TIAM2: variants seen among roughly 807,000 people sequenced by gnomAD.
TIAM2 encodes the protein rho guanine nucleotide exchange factor TIAM2.
Under a neutral mutation model 152.9 loss-of-function variants are expected in TIAM2, and 80 were observed. The ratio of observed to expected loss-of-function variants is 0.52; its 90% CI spans 0.44 to 0.63. TIAM2 has a LOEUF of 0.63. Among genes scored for constraint, TIAM2 ranks in the 30% least tolerant of loss-of-function variants. TIAM2 has a pLI of 0.00. For synonymous variants in TIAM2, 804 were observed against 838.0 expected (o/e 0.96, Z 0.70); for missense variants, 1,965 against 2,120.1 (o/e 0.93, Z 1.44).
intron 1 of TIAM2, among the ~76,000 whole-genome samples, chr6:155,065,187 C>T (rs578227749): frequency 2.6e-5 from 4 of 152,180 alleles, no homozygotes; most frequent in East Asian, 3.9e-4. Context: ...CTGCTAACCT[C>T]GGGTGATCTG....
intron 7 of TIAM2, among the ~76,000 whole-genome samples, chr6:155,157,799 C>G (rs1464895737): frequency 6.6e-6 from 1 of 152,178 alleles, no homozygotes; most frequent in African/African-American, 2.4e-5. Context: ...TGCTTGCTAA[C>G]TAAACCAGGT....
chr6:155,127,694 T>C (rs1169225497), intron 3 of TIAM2, 94 bp downstream of exon 3: 1 of 430,224 alleles, frequency 2.3e-6, no homozygotes, highest in Non-Finnish European at 4.6e-6. Context: ...CTAGCGATTT[T>C]GGTTTTAAAA....
At chr6:155,020,289 T>C (rs1776449395) in intron 1 of TIAM2, among the ~76,000 whole-genome samples, 2 of 152,218 alleles carry the variant, frequency 1.3e-5, no homozygotes, top group South Asian at 2.1e-4. Context: ...TAAATATCTG[T>C]TGACTTGAAG....
Position 155,257,117 on chromosome 6 carries a change from C to CAT in TIAM2, c.5104_5105dup (p.Ter1702TyrfsTer17). ...TATGAAACAGAGAGCCACGGAAAAT[C>CAT]ATAGTATGATTCAATCCAGATATGG... On this transcript the variant is annotated frameshift_variant, in exon 27 of 27. Coordinates refer to ENST00000682666, the MANE Select transcript of TIAM2 (RefSeq NM_012454.4). LOFTEE classifies it high-confidence loss of function. The CAT allele has an allele frequency of 1.3e-6, 2 of 1,498,576 alleles. No individual in the cohort carries two copies. Among genetic ancestry groups the CAT allele is most frequent in the South Asian group, 2.2e-5 (2 of 89,612 alleles). The allele number at this position is 1,498,576 out of a possible 1,614,324, so 92.8% of individuals were successfully genotyped here. A position where few individuals can be genotyped will look rare whatever the true frequency, so the allele number is the denominator to read the frequency against.
chr6:155,245,845 G>A (rs1783296407), intron 19 of TIAM2, 114 bp downstream of exon 19: 2 of 680,770 alleles, frequency 2.9e-6, no homozygotes, highest in Non-Finnish European at 4.7e-6. Context: ...ATGTATTAAG[G>A]TCCATCCTTG....
rs1329769095 is a variant in TIAM2 at position 154,995,693 on chromosome 6, G to T, written c.-209+201G>T. 6.6e-6 allele frequency among the ~76,000 whole-genome samples: 1 copy of T among 152,156 alleles called. No individual in the cohort carries two copies. The highest frequency in any genetic ancestry group is 6.5e-5 in the Admixed American group (1 of 15,284). On this transcript the variant is annotated intron_variant, in intron 1 of 26. Coordinates refer to ENST00000682666, the MANE Select transcript of TIAM2 (RefSeq NM_012454.4). This position sits in a 1 kb window ranked among gnomAD's most constrained non-coding sequence, Gnocchi z 5.2. ...GGGCGCGGCCTGGCACCCTCTCCCCGGAGGGCGGCAGCGTCCGGGCACAGC... is the reference window on the plus strand; with the variant it reads ...GGGCGCGGCCTGGCACCCTCTCCCCTGAGGGCGGCAGCGTCCGGGCACAGC...
At chr6:155,140,098 T>A (rs976598465) in intron 5 of TIAM2, among the ~76,000 whole-genome samples, 1 of 152,224 alleles carries the variant, frequency 6.6e-6, no homozygotes, top group Admixed American at 6.5e-5. Context: ...ATTAGAGATG[T>A]CATGTGATCA....
chr6:155,223,130 A>G (rs1782114197), intron 15 of TIAM2, among the ~76,000 whole-genome samples: 1 of 152,220 alleles, frequency 6.6e-6, no homozygotes, highest in Admixed American at 6.5e-5. Flanking sequence ...TAGAAATTGC[A>G]GACAATTCCA....
intron 1 of TIAM2, among the ~76,000 whole-genome samples, chr6:155,017,648 C>T (rs968855237): frequency 4.6e-5 from 7 of 151,812 alleles, no homozygotes; most frequent in African/African-American, 1.7e-4. Flanking sequence ...GGACTACAGG[C>T]ACCTGCCACC....
intron 1 of TIAM2, among the ~76,000 whole-genome samples, chr6:155,020,847 A>G (rs1209779551): frequency 6.6e-6 from 1 of 152,166 alleles, no homozygotes; most frequent in Non-Finnish European, 1.5e-5. Flanking sequence ...AACTTGTTTC[A>G]TCTTGCAGAA....
rs770342401 is a variant in TIAM2 at position 155,148,151 on chromosome 6, A to G, written c.1845A>G (p.Val615=). The G allele has an allele frequency of 6.2e-7, 1 of 1,613,850 alleles. No individual in the cohort carries two copies. Among genetic ancestry groups the G allele is most frequent in the Admixed American group, 1.7e-5 (1 of 60,008 alleles). ...ATCTAGAAAACTGGGTCACTGCTGT[A>G]CACTCTGCTTGTGCATCCCTTTTTG... is the stretch of plus-strand genomic sequence containing the variant. The part of the protein sequence containing the change: ...QTDLENWVTA[V]HSACASLFAK... Residue 615 remains valine (V), a synonymous_variant, in exon 7 of 27, where the codon GTA becomes GTG. Transcript: ENST00000682666.
chr6:155,123,515 C>T (rs1202939985), intron 2 of TIAM2, among the ~76,000 whole-genome samples: 1 of 152,106 alleles, frequency 6.6e-6, no homozygotes, highest in Non-Finnish European at 1.5e-5. Context: ...ATGGGGGTCT[C>T]CTGTGTTTTT....
chr6:155,139,940 AAAACAAAC>A (rs148740038), intron 5 of TIAM2, among the ~76,000 whole-genome samples: 7,451 of 152,188 alleles, frequency 0.049, 574 homozygotes, highest in African/African-American at 0.16. Flanking sequence ...CTCCATCTCA[AAAACAAAC>A]AAACAAACAA....
chr6:155,118,418 TTTTTC>T (rs1264514073), intron 2 of TIAM2, among the ~76,000 whole-genome samples: 12 of 53,946 alleles, frequency 2.2e-4, no homozygotes, highest in Non-Finnish European at 4.4e-4. Flanking sequence ...TTCTTTTTTC[TTTTTC>T]TTTTTCTTTT....
At chr6:155,143,951 T>A (rs1473406984) in intron 5 of TIAM2, among the ~76,000 whole-genome samples, 1 of 152,128 alleles carries the variant, frequency 6.6e-6, no homozygotes, top group African/African-American at 2.4e-5. Context: ...GAGCTACAGA[T>A]AAAAGGTTAA....
At position 155,164,591 on chromosome 6, in the gene TIAM2, C is replaced by T. The variant is rs752561490; in HGVS notation, c.2205C>T (p.Phe735=). The stretch of plus-strand genomic sequence containing the variant: ...TGGGCATCTTGTCTGTTTCCTCTTT[C>T]CATGCTCTGGTAAGTTCCTGAGGAA... ...GRLGILSVSS[F]HALVCSRDDS... The change falls in exon 8 of 27, where the codon TTC becomes TTT. Residue 735 remains phenylalanine (F), a synonymous_variant. Transcript: ENST00000682666. 1.9e-6 allele frequency: 3 copies of T among 1,611,778 alleles called. No homozygotes were observed. The highest frequency in any genetic ancestry group is 2.5e-6 in the Non-Finnish European group (3 of 1,178,478).
intron 17 of TIAM2, 77 bp downstream of exon 17, chr6:155,244,156 G>A (rs372930951): frequency 2.3e-6 from 3 of 1,331,358 alleles, no homozygotes; most frequent in Non-Finnish European, 2.2e-6. Context: ...ACTCCTATGA[G>A]AGTATCTCTG....
At chr6:155,110,809 A>C (rs1778830118) in intron 2 of TIAM2, among the ~76,000 whole-genome samples, 1 of 152,228 alleles carries the variant, frequency 6.6e-6, no homozygotes, top group Non-Finnish European at 1.5e-5. Context: ...TATCATTTAC[A>C]CTTAAGGAAA....
chr6:155,114,996 T>A (rs1444159445), intron 2 of TIAM2, among the ~76,000 whole-genome samples: 1 of 151,818 alleles, frequency 6.6e-6, no homozygotes, highest in Non-Finnish European at 1.5e-5. Context: ...CCTGGCTAAT[T>A]TTTGTATCTT....
Sources: gnomAD v4.1 joint callset for allele counts (sites outside exome capture counted in the v4.1 genomes callset) on GRCh38, gnomAD v4.1.1 for gene constraint, Gnocchi (gnomAD v3.1) non-coding constraint, MANE v1.5 for transcripts, NCBI Gene and HGNC (gene_info 2026-07-23, HGNC 2026-07-21) for gene names.